The following PCDHGA6 variants were observed in gnomAD, a reference collection of about 807,000 sequenced individuals.
The protein encoded by PCDHGA6 is protocadherin gamma-A6.
In PCDHGA6, 41 loss-of-function variants were observed where a neutral mutation model predicts 60.6. That is an observed-to-expected ratio of 0.68 (90% confidence interval 0.53 to 0.88). PCDHGA6 has a LOEUF of 0.88. Among genes scored for constraint, PCDHGA6 ranks in the 40% least tolerant of loss-of-function variants. PCDHGA6 has a pLI of 0.00. For synonymous variants in PCDHGA6, 594 were observed against 524.4 expected (o/e 1.13, Z -1.81); for missense variants, 1,312 against 1,203.0 (o/e 1.09, Z -1.34).
rs118021618 is a variant in PCDHGA6, at chr5:141,382,926, C to T, written c.2424+6419C>T. On this transcript the variant is annotated intron_variant, in intron 1 of 3. Transcript: ENST00000517434. ...TGGCGGCTCAGCCGAGGGGCGGGGA[C>T]TACAGAGGATTCTTCCTGCTCTCCA... 1,227 of 1,577,740 alleles carry T rather than the reference C, an allele frequency of 7.8e-4. 19 individuals carry two copies. The East Asian group carries it at 0.025, about 33-fold the overall frequency.
At chr5:141,481,913 C>CAAAAAA (rs34114744) in intron 1 of PCDHGA6, among the ~76,000 whole-genome samples, 2 of 90,846 alleles carry the variant, frequency 2.2e-5, no homozygotes, top group Non-Finnish European at 4.4e-5. Flanking sequence ...AACTCCATCT[C>CAAAAAA]AAAAAAAAAA....
Position 141,477,991 on chromosome 5 carries a change from T to C in PCDHGA6, c.2425-16816T>C, listed in dbSNP as rs774877878. On this transcript the variant is annotated intron_variant, in intron 1 of 3. Transcript: ENST00000517434. The surrounding 1 kb of genome is among the most constrained non-coding windows in gnomAD (Gnocchi z 4.9). The stretch of plus-strand genomic sequence containing the variant: ...GCCTTTTTGCCATAGGGCTGCACAC[T>C]GGTCAAATCAGTACTGCCCGTCCAG... 2 of 1,614,134 alleles carry C rather than the reference T, an allele frequency of 1.2e-6. No individual in the cohort carries two copies. Among genetic ancestry groups the C allele is most frequent in the South Asian group, 2.2e-5 (2 of 91,082 alleles).
At chr5:141,383,802 A>G in intron 1 of PCDHGA6, 1 of 1,613,998 alleles carries the variant, frequency 6.2e-7, no homozygotes, top group Non-Finnish European at 8.5e-7. Context: ...CAGGAGAAAT[A>G]TCAACTTTAG....
chr5:141,402,994 C>A (rs1253121982), intron 1 of PCDHGA6: 1 of 1,613,722 alleles, frequency 6.2e-7, no homozygotes, highest in Non-Finnish European at 8.5e-7. Context: ...GAAGATTAGT[C>A]CTGCTATGCT....
intron 1 of PCDHGA6, among the ~76,000 whole-genome samples, chr5:141,433,999 A>G (rs1471657184): frequency 6.6e-6 from 1 of 152,070 alleles, no homozygotes; most frequent in Admixed American, 6.6e-5. Context: ...TATATTCTCT[A>G]TATATGTTTG....
Position 141,393,095 on chromosome 5 carries a change from G to A in PCDHGA6, c.2424+16588G>A, listed in dbSNP as rs1057103671. On this transcript the variant is annotated intron_variant, in intron 1 of 3. Transcript: ENST00000517434. ...CCGCGGGCAGGATAGATCGGGAGGA[G>A]CTCTGCGCTCAGAGCCCGCGGTGTC... The A allele has an allele frequency of 3.1e-6, 5 of 1,613,520 alleles. No homozygotes were observed. The East Asian group carries it at 8.9e-5, about 29-fold the overall frequency.
intron 1 of PCDHGA6, among the ~76,000 whole-genome samples, chr5:141,454,222 T>C (rs1411974754): frequency 6.6e-6 from 1 of 152,118 alleles, no homozygotes; most frequent in African/African-American, 2.4e-5. Flanking sequence ...ATGAGAAAAG[T>C]AATTGTGATG....
intron 1 of PCDHGA6, among the ~76,000 whole-genome samples, chr5:141,483,709 G>A (rs1486825412): frequency 1.3e-5 from 2 of 152,036 alleles, no homozygotes; most frequent in Non-Finnish European, 2.9e-5. Flanking sequence ...TTTGACACCA[G>A]AATATTGGTT....
chr5:141,409,887 T>C, intron 1 of PCDHGA6: 2 of 1,613,062 alleles, frequency 1.2e-6, no homozygotes, highest in Admixed American at 1.7e-5. Context: ...GCACCGCGGG[T>C]GCTGTACCCA....
rs760680204 is a variant in PCDHGA6, at chr5:141,477,505, CG to C, written c.2425-17301del. ...CACAATCTTCTCAATCTTCCTACGA[CG>C]TTTACATTGAAGAAAACAACCTCCC... On this transcript the variant is annotated intron_variant, in intron 1 of 3. Coordinates refer to ENST00000517434, the MANE Select transcript of PCDHGA6 (RefSeq NM_018919.3). The surrounding 1 kb of genome is among the most constrained non-coding windows in gnomAD (Gnocchi z 4.9). The C allele has an allele frequency of 1.2e-5, 19 of 1,614,008 alleles. No individual in the cohort carries two copies. The highest frequency in any genetic ancestry group is 8.5e-7 in the Non-Finnish European group (1 of 1,180,018).
At chr5:141,404,000 A>G (rs758512396) in intron 1 of PCDHGA6, 1 of 1,613,956 alleles carries the variant, frequency 6.2e-7, no homozygotes. Flanking sequence ...AGTGACCATT[A>G]CATCTCTGTT....
intron 1 of PCDHGA6, among the ~76,000 whole-genome samples, chr5:141,425,504 T>A (rs1049969153): frequency 2.6e-5 from 4 of 152,260 alleles, no homozygotes; most frequent in Non-Finnish European, 5.9e-5. Flanking sequence ...TACCTTTATA[T>A]TCTCTTTATG....
intron 3 of PCDHGA6, 122 bp downstream of exon 3, chr5:141,505,603 G>A (rs900982128): frequency 6.5e-7 from 1 of 1,534,594 alleles, no homozygotes; most frequent in African/African-American, 1.4e-5. Flanking sequence ...TCTTTCGGCA[G>A]GTCTGAAAGG....
At chr5:141,401,128 G>A (rs1271194736) in intron 1 of PCDHGA6, among the ~76,000 whole-genome samples, 3 of 152,166 alleles carry the variant, frequency 2.0e-5, no homozygotes, top group Non-Finnish European at 4.4e-5. Context: ...TGGATCACAT[G>A]GTCAGGAGTT....
chr5:141,443,317 CA>C (rs35054295), intron 1 of PCDHGA6, among the ~76,000 whole-genome samples: 28 of 142,048 alleles, frequency 2.0e-4, no homozygotes, highest in Non-Finnish European at 2.6e-4. Flanking sequence ...CCCATCTCTA[CA>C]AAAAAAAAAA....
At chr5:141,423,424 T>C in intron 1 of PCDHGA6, 1 of 1,614,004 alleles carries the variant, frequency 6.2e-7, no homozygotes, top group Non-Finnish European at 8.5e-7. Flanking sequence ...TGAAGGCGGG[T>C]TGGCAGGTAT....
intron 1 of PCDHGA6, chr5:141,395,406 G>C (rs923158895): frequency 1.2e-6 from 1 of 833,442 alleles, no homozygotes; most frequent in Non-Finnish European, 1.8e-6. Flanking sequence ...AATAGTCATA[G>C]GTTATTGTTT....
intron 2 of PCDHGA6, among the ~76,000 whole-genome samples, chr5:141,503,448 C>T (rs765046868): frequency 2.0e-5 from 3 of 151,808 alleles, no homozygotes; most frequent in South Asian, 2.1e-4. Context: ...TACAAAAATT[C>T]GCTGGGCATG....
chr5:141,401,106 G>A (rs1259844433), intron 1 of PCDHGA6, among the ~76,000 whole-genome samples: 5 of 152,208 alleles, frequency 3.3e-5, no homozygotes, highest in African/African-American at 9.6e-5. Context: ...CACTTTGGGA[G>A]GCCGAGGCGG....
Sources: allele counts gnomAD v4.1 joint callset (sites outside exome capture counted in the v4.1 genomes callset), GRCh38; gene constraint gnomAD v4.1.1; non-coding constraint Gnocchi (gnomAD v3.1); transcripts MANE v1.5; gene names NCBI Gene and HGNC (gene_info 2026-07-23, HGNC 2026-07-21).